The following RBFOX1 variants were observed in gnomAD, a reference collection of about 807,000 sequenced individuals.
RBFOX1 encodes the protein RNA binding protein fox-1 homolog 1.
A neutral mutation model predicts 57.7 loss-of-function variants in RBFOX1; 8 were observed. The ratio of observed to expected loss-of-function variants is 0.14; its 90% CI spans 0.08 to 0.25. The LOEUF is 0.25. RBFOX1 is among the 10% of genes least tolerant of loss of function. The probability of loss-of-function intolerance (pLI) is 1.00; values close to 1 mark genes in which losing one functional copy is unlikely to be tolerated. For missense variants in RBFOX1, 611 were observed against 548.5 expected, an observed-to-expected ratio of 1.11 and a Z score of -1.14; for synonymous variants, 326 against 222.4, an observed-to-expected ratio of 1.47 and a Z score of -4.15.
At chr16:6,089,174 A>G (rs928288750) in intron 1 of RBFOX1, among the ~76,000 whole-genome samples, 2 of 152,078 alleles carry the variant, frequency 1.3e-5, no homozygotes, top group South Asian at 2.1e-4. Context: ...ATGCTGCGAG[A>G]ATTGCTAAAG....
intron 1 of RBFOX1, among the ~76,000 whole-genome samples, chr16:6,215,797 C>A (rs1163195520): frequency 3.9e-5 from 6 of 152,102 alleles, no homozygotes. Flanking sequence ...TGTTTTCTTA[C>A]ATGGAGAAAG....
chr16:6,894,099 C>T (rs569149033), intron 3 of RBFOX1, among the ~76,000 whole-genome samples: 12 of 152,130 alleles, frequency 7.9e-5, no homozygotes, highest in African/African-American at 1.9e-4. Flanking sequence ...GATAGATAGA[C>T]GAACAGATAC....
intron 9 of RBFOX1, among the ~76,000 whole-genome samples, chr16:7,599,710 C>CAA (rs2094911930): frequency 6.8e-6 from 1 of 146,382 alleles, no homozygotes; most frequent in Non-Finnish European, 1.5e-5. Context: ...CAGTGGCATG[C>CAA]TATTGGCTCA....
intron 1 of RBFOX1, among the ~76,000 whole-genome samples, chr16:6,278,690 T>G (rs1319710339): frequency 6.6e-6 from 1 of 152,180 alleles, no homozygotes; most frequent in African/African-American, 2.4e-5. Context: ...ATCCTTTATT[T>G]GTTATTTAAA....
At chr16:6,807,142 T>C (rs1185018624) in intron 3 of RBFOX1, among the ~76,000 whole-genome samples, 1 of 151,832 alleles carries the variant, frequency 6.6e-6, no homozygotes, top group African/African-American at 2.4e-5. Flanking sequence ...CCTCTTTTTT[T>C]CCTTTTAATA....
intron 5 of RBFOX1, among the ~76,000 whole-genome samples, chr16:7,520,797 C>A (rs183126938): frequency 6.6e-6 from 1 of 152,070 alleles, no homozygotes; most frequent in East Asian, 1.9e-4. Flanking sequence ...AGTAGTAATG[C>A]CTGGATAGGT....
chr16:7,450,213 G>A (rs1452863511), intron 4 of RBFOX1, among the ~76,000 whole-genome samples: 2 of 152,006 alleles, frequency 1.3e-5, no homozygotes, highest in African/African-American at 2.4e-5. Context: ...GGCCAATGTG[G>A]TGAAACCCCA....
At chr16:7,524,727 CGCTTCCCACTGAAGTGTTAACT>C (rs1567663638) in intron 5 of RBFOX1, among the ~76,000 whole-genome samples, 1 of 152,148 alleles carries the variant, frequency 6.6e-6, no homozygotes, top group East Asian at 1.9e-4. Flanking sequence ...TGGCCTCAGC[CGCTTCCCACTGAAGTGTTAACT>C]GCGCCTCCAA....
At chr16:5,494,102 C>G (rs544566380) in intron 2 of RBFOX1, among the ~76,000 whole-genome samples, 1 of 152,160 alleles carries the variant, frequency 6.6e-6, no homozygotes, top group Non-Finnish European at 1.5e-5. Flanking sequence ...CTTGTCCTTA[C>G]TCACGTGCTT....
intron 4 of RBFOX1, among the ~76,000 whole-genome samples, chr16:7,496,556 A>G (rs1422919464): frequency 6.6e-6 from 1 of 152,132 alleles, no homozygotes; most frequent in East Asian, 1.9e-4. Flanking sequence ...TTTAATCATC[A>G]TCATCATCAT....
chr16:7,356,390 T>A (rs1322487660), intron 4 of RBFOX1, among the ~76,000 whole-genome samples: 1 of 152,176 alleles, frequency 6.6e-6, no homozygotes, highest in Non-Finnish European at 1.5e-5. Context: ...TCTCTGAGCA[T>A]GCACACTAAA....
chr16:6,636,852 AAT>A (rs1567982432), intron 2 of RBFOX1, among the ~76,000 whole-genome samples: 4 of 109,084 alleles, frequency 3.7e-5, no homozygotes, highest in African/African-American at 1.5e-4. Context: ...TAATATATAT[AAT>A]ATATAATATA....
At chr16:5,546,856 T>A (rs2045228621) in intron 2 of RBFOX1, among the ~76,000 whole-genome samples, 1 of 152,186 alleles carries the variant, frequency 6.6e-6, no homozygotes, top group Admixed American at 6.5e-5. Flanking sequence ...GCAAACTATA[T>A]ATCTGATAAA....
At chr16:5,348,663 G>A (rs1043635335) in intron 1 of RBFOX1, among the ~76,000 whole-genome samples, 6 of 152,174 alleles carry the variant, frequency 3.9e-5, no homozygotes, top group Non-Finnish European at 8.8e-5. Flanking sequence ...TATATAAATA[G>A]TAGGCTCTCA....
At chr16:7,267,740 C>T (rs749413325) in intron 4 of RBFOX1, among the ~76,000 whole-genome samples, 1 of 151,876 alleles carries the variant, frequency 6.6e-6, no homozygotes, top group African/African-American at 2.4e-5. Flanking sequence ...CCTGTAGTCC[C>T]AGCTACTTGG....
intron 4 of RBFOX1, among the ~76,000 whole-genome samples, chr16:7,368,164 G>C (rs1225870658): frequency 1.3e-5 from 2 of 151,914 alleles, no homozygotes; most frequent in Admixed American, 6.6e-5. Flanking sequence ...CTACTTGGGA[G>C]GCTGAGGCAG....
intron 4 of RBFOX1, among the ~76,000 whole-genome samples, chr16:7,204,773 C>A (rs574703906): frequency 6.6e-6 from 1 of 152,188 alleles, no homozygotes; most frequent in Non-Finnish European, 1.5e-5. Context: ...CCAATCCTTT[C>A]TCTTTTCCTT....
At chr16:6,367,460 C>T (rs1261564091) in intron 2 of RBFOX1, among the ~76,000 whole-genome samples, 1 of 152,020 alleles carries the variant, frequency 6.6e-6, no homozygotes. Flanking sequence ...TTACTAGAGA[C>T]AGGGTTTCAC....
chr16:5,655,125 A>G (rs1282438306), intron 3 of RBFOX1, among the ~76,000 whole-genome samples: 3 of 152,192 alleles, frequency 2.0e-5, no homozygotes, highest in Non-Finnish European at 4.4e-5. Flanking sequence ...GCCATCTTCA[A>G]ATGGAACATA....
Sources: allele counts gnomAD v4.1 joint callset (sites outside exome capture counted in the v4.1 genomes callset), GRCh38; gene constraint gnomAD v4.1.1; transcripts MANE v1.5; gene names NCBI Gene and HGNC (gene_info 2026-07-23, HGNC 2026-07-21).